Variants in SYCP3 observed in about 807,000 individuals in gnomAD.
SYCP3 encodes the protein synaptonemal complex protein 3.
Under a neutral mutation model 38.5 loss-of-function variants are expected in SYCP3, and 29 were observed. The ratio of observed to expected loss-of-function variants is 0.75; its 90% CI spans 0.56 to 1.03. The LOEUF is 1.03. Among genes scored for constraint, SYCP3 ranks in the 50% least tolerant of loss-of-function variants. SYCP3 has a pLI of 0.00. For synonymous variants in SYCP3, 79 were observed against 80.3 expected (o/e 0.98, Z 0.08); for missense variants, 242 against 270.7 (o/e 0.89, Z 0.74).
chr12:101,735,871 A>ATATATATATATATATATTTTT, intron 4 of SYCP3, among the ~76,000 whole-genome samples: 3 of 74,760 alleles, frequency 4.0e-5, no homozygotes, highest in Non-Finnish European at 7.5e-5. Flanking sequence ...ATATATATAT[A>ATATATATATATATATATTTTT]TTTTTTTTTT....
intron 6 of SYCP3, 72 bp from the exon 7 acceptor site, chr12:101,731,738 C>G: frequency 9.5e-7 from 1 of 1,051,368 alleles, no homozygotes; most frequent in Non-Finnish European, 1.3e-6. Flanking sequence ...AAAAATAATT[C>G]TACATTAAAC....
At chr12:101,738,443 A>G (rs1256153390) in intron 1 of SYCP3, among the ~76,000 whole-genome samples, 1 of 150,106 alleles carries the variant, frequency 6.7e-6, no homozygotes, top group Admixed American at 6.6e-5. Context: ...AAAAAAAAAC[A>G]ACAACAGAAA....
Position 101,731,553 on chromosome 12 carries a change from C to G in SYCP3, c.552+15G>C, listed in dbSNP as rs200254572. 94 of 1,540,606 alleles carry G rather than the reference C, an allele frequency of 6.1e-5. No homozygotes were observed. The African/African-American group carries it at 1.0e-3, about 17-fold the overall frequency. On this transcript the variant is annotated intron_variant, in intron 7 of 8. Transcript: ENST00000392924. ...TGTTTTATAACGATGTATTGTGTTA[C>G]CACATACAACAAACCTTTATGAACT...
At chr12:101,739,166 CCCCAG>C in intron 1 of SYCP3, 180 bp downstream of exon 1, 1 of 685,856 alleles carries the variant, frequency 1.5e-6, no homozygotes, top group Non-Finnish European at 1.8e-6. Flanking sequence ...TGGGGCCCAG[CCCCAG>C]CCCAGCCCGC....
intron 6 of SYCP3, 90 bp downstream of exon 6, chr12:101,733,485 C>G: frequency 8.4e-7 from 1 of 1,191,916 alleles, no homozygotes; most frequent in Non-Finnish European, 1.2e-6. Context: ...TTAATGAAAC[C>G]TGGCTCAGTT....
intron 7 of SYCP3, among the ~76,000 whole-genome samples, chr12:101,731,205 C>T (rs1445312832): frequency 6.6e-6 from 1 of 152,024 alleles, no homozygotes; most frequent in African/African-American, 2.4e-5. Flanking sequence ...TTCTATTTAA[C>T]AAACACTGGG....
intron 4 of SYCP3, among the ~76,000 whole-genome samples, chr12:101,735,850 T>TA (rs1463198287): frequency 7.9e-5 from 8 of 101,700 alleles, no homozygotes; most frequent in African/African-American, 2.9e-4. Flanking sequence ...TATAATCAAT[T>TA]TTATATATAT....
intron 4 of SYCP3, among the ~76,000 whole-genome samples, chr12:101,735,891 ACGGGGGTCTCAC>A (rs1482697461): frequency 0.013 from 1,387 of 103,314 alleles, 41 homozygotes; most frequent in African/African-American, 0.06. Context: ...TTTTAAAGAC[ACGGGGGTCTCAC>A]TATGTTGACC....
chr12:101,731,218 T>TA (rs1566050474), intron 7 of SYCP3, among the ~76,000 whole-genome samples: 1 of 152,086 alleles, frequency 6.6e-6, no homozygotes, highest in Non-Finnish European at 1.5e-5. Context: ...ACACTGGGGA[T>TA]AAAAAAACAA....
intron 1 of SYCP3, among the ~76,000 whole-genome samples, chr12:101,738,429 CAAA>C (rs553151423): frequency 6.2e-5 from 8 of 129,704 alleles, no homozygotes; most frequent in Non-Finnish European, 1.3e-4. Context: ...AACTTCGTCT[CAAA>C]AAAAAAAAAC....
intron 7 of SYCP3, among the ~76,000 whole-genome samples, chr12:101,729,819 TG>T (rs1257432418): frequency 6.6e-6 from 1 of 152,160 alleles, no homozygotes; most frequent in African/African-American, 2.4e-5. Context: ...CACAACTTGC[TG>T]TGGTGATATA....
chr12:101,730,491 ATTTTTTT>A (rs201662453), intron 7 of SYCP3: 31 of 328,922 alleles, frequency 9.4e-5, no homozygotes, highest in South Asian at 1.1e-4. Flanking sequence ...TGTGTGTATA[ATTTTTTT>A]TTTTTTTTTT....
intron 7 of SYCP3, among the ~76,000 whole-genome samples, chr12:101,731,354 T>C (rs191771878): frequency 4.0e-4 from 61 of 152,304 alleles, no homozygotes; most frequent in Admixed American, 2.7e-3. Context: ...AAATTCCCAA[T>C]TTACCATTTC....
At chr12:101,731,275 A>T (rs575471300) in intron 7 of SYCP3, among the ~76,000 whole-genome samples, 1 of 152,320 alleles carries the variant, frequency 6.6e-6, no homozygotes, top group East Asian at 1.9e-4. Flanking sequence ...ATTTTCACTT[A>T]AACAGAGAAC....
At chr12:101,736,894 A>G (rs1475478210) in intron 4 of SYCP3, 143 bp downstream of exon 4, 2 of 762,204 alleles carry the variant, frequency 2.6e-6, no homozygotes, top group African/African-American at 3.5e-5. Context: ...GTGATGCTAA[A>G]TCACAAATAC....
chr12:101,738,020 TA>T, intron 1 of SYCP3, 68 bp from the exon 2 acceptor site: 1 of 1,557,300 alleles, frequency 6.4e-7, no homozygotes, highest in South Asian at 1.1e-5. Context: ...GGTAAAAGTT[TA>T]AATATCAAAG....
chr12:101,729,467 G>C, intron 7 of SYCP3: 1 of 361,216 alleles, frequency 2.8e-6, no homozygotes, highest in Non-Finnish European at 5.0e-6. Flanking sequence ...AACTGTTAAG[G>C]TCAAGATAAA....
At position 101,735,208 on chromosome 12, in the gene SYCP3, CTTT is replaced by C. The variant is rs111799782; in HGVS notation, c.236-167_236-165del. Among the ~76,000 whole-genome samples the C allele has an allele frequency of 3.3e-5, 5 of 151,610 alleles. No individual in the cohort carries two copies. In the South Asian group the frequency reaches 1.0e-3, roughly 32 times the overall value. ...TTCAAAATGCAGAATTGTTTGCTTA[CTTT>C]TTTTTTCTGAGAAAACTCTCAGCTA... is the stretch of plus-strand genomic sequence containing the variant. On this transcript the variant is annotated intron_variant, in intron 4 of 8. Transcript: ENST00000392924.
At chr12:101,737,169 T>C in intron 3 of SYCP3, 63 bp downstream of exon 3, 2 of 1,604,224 alleles carry the variant, frequency 1.2e-6, no homozygotes, top group Non-Finnish European at 1.7e-6. Flanking sequence ...ACATATATTA[T>C]TTGTTAGCAA....
Sources: allele counts gnomAD v4.1 joint callset (sites outside exome capture counted in the v4.1 genomes callset), GRCh38; gene constraint gnomAD v4.1.1; transcripts MANE v1.5; gene names NCBI Gene and HGNC (gene_info 2026-07-23, HGNC 2026-07-21).